The following PMS1 variants were observed in gnomAD, a reference collection of about 807,000 sequenced individuals.
The protein encoded by PMS1 is PMS1 homolog 1, mismatch repair system component.
PMS1 carries 79 observed loss-of-function variants against 93.1 expected under a neutral mutation model. The ratio of observed to expected loss-of-function variants is 0.85; its 90% CI spans 0.71 to 1.02. The LOEUF (loss-of-function observed/expected upper bound fraction) is 1.02. Among genes scored for constraint, PMS1 ranks in the 50% least tolerant of loss-of-function variants. PMS1 has a pLI of 0.00. For synonymous variants in PMS1, 335 were observed against 363.4 expected (o/e 0.92, Z 0.89); for missense variants, 1,064 against 1,085.3 (o/e 0.98, Z 0.28).
In PMS1 at chr2:189,868,990, A is replaced by G. The variant is rs1240985120; in HGVS notation, c.2473+1061A>G. On this transcript the variant is annotated intron_variant, in intron 11 of 12. Transcript: ENST00000441310. Reference sequence around the variant, plus strand: ...GAATAATTATTATGTACAGGGCACTATTCTAAGTATTAAATGTATTAATTT... The same window carrying G: ...GAATAATTATTATGTACAGGGCACTGTTCTAAGTATTAAATGTATTAATTT... Among the ~76,000 whole-genome samples, 5 of 152,324 alleles carry G rather than the reference A, an allele frequency of 3.3e-5. No homozygotes were observed. The East Asian group carries it at 9.6e-4, about 29-fold the overall frequency.
At position 189,877,289 on chromosome 2, in the gene PMS1, A is replaced by G. The variant is rs1244566636; in HGVS notation, c.2652A>G (p.Leu884=). 6.2e-7 allele frequency: 1 copy of G among 1,613,738 alleles called. No individual in the cohort carries two copies. Among genetic ancestry groups the G allele is most frequent in the Non-Finnish European group, 8.5e-7 (1 of 1,179,628 alleles). ...ISYLEGEAVR[L]SRQLPMYLSK... ...TTGGACAGGGAGAAGCAGTGCGTCT[A>G]TCCAGACAATTACCCATGTACTTAT... is the stretch of plus-strand genomic sequence containing the variant. The change falls in exon 13 of 13, where the codon CTA becomes CTG. Residue 884 remains leucine, a synonymous_variant. Coordinates refer to ENST00000441310, the MANE Select transcript of PMS1 (RefSeq NM_000534.5).
intron 3 of PMS1, among the ~76,000 whole-genome samples, chr2:189,798,757 ATT>A (rs757864750): frequency 6.4e-4 from 51 of 79,918 alleles, no homozygotes; most frequent in African/African-American, 1.7e-3. Flanking sequence ...TAAGTATTTG[ATT>A]TTTTTTTTTT....
intron 10 of PMS1, among the ~76,000 whole-genome samples, chr2:189,865,240 C>G (rs1381977260): frequency 3.9e-5 from 6 of 151,998 alleles, no homozygotes; most frequent in Non-Finnish European, 8.8e-5. Flanking sequence ...GATCCACATA[C>G]TACATTTGGT....
intron 11 of PMS1, among the ~76,000 whole-genome samples, chr2:189,868,932 CTG>C (rs2056902167): frequency 6.6e-6 from 1 of 152,178 alleles, no homozygotes; most frequent in South Asian, 2.1e-4. Flanking sequence ...CCTGGCCTCA[CTG>C]TGTCTTCATT....
intron 9 of PMS1, among the ~76,000 whole-genome samples, chr2:189,858,780 G>A: frequency 6.6e-6 from 1 of 152,098 alleles, no homozygotes; most frequent in East Asian, 1.9e-4. Context: ...CTTTAAAATT[G>A]TGAATATAGC....
At chr2:189,806,203 G>C in intron 4 of PMS1, 1 of 285,896 alleles carries the variant, frequency 3.5e-6, no homozygotes, top group Non-Finnish European at 6.6e-6. Context: ...AGAAGTTACT[G>C]TACTTATCAC....
At chr2:189,803,997 G>T (rs1223907036) in intron 3 of PMS1, among the ~76,000 whole-genome samples, 1 of 152,134 alleles carries the variant, frequency 6.6e-6, no homozygotes, top group South Asian at 2.1e-4. Flanking sequence ...TAAAGGATGA[G>T]CAAATTAATA....
chr2:189,876,903 A>G (rs971245799), intron 12 of PMS1, among the ~76,000 whole-genome samples: 2 of 150,800 alleles, frequency 1.3e-5, no homozygotes, highest in Non-Finnish European at 2.9e-5. Flanking sequence ...GAGCCACTGC[A>G]CCCAGCCTGG....
chr2:189,827,454 A>C (rs1435791270), intron 5 of PMS1, among the ~76,000 whole-genome samples: 1 of 152,222 alleles, frequency 6.6e-6, no homozygotes, highest in Non-Finnish European at 1.5e-5. Flanking sequence ...CTTTCTTAGA[A>C]AATTGGAATT....
chr2:189,828,224 C>T lies in PMS1; in HGVS notation c.582+10044C>T, dbSNP rs570495967. 3.3e-5 allele frequency among the ~76,000 whole-genome samples: 5 copies of T among 152,186 alleles called. No individual in the cohort carries two copies. The South Asian group carries it at 1.0e-3, about 32-fold the overall frequency. The stretch of plus-strand genomic sequence containing the variant: ...CAGGCGTGAGCCACTGCGCCCGGCC[C>T]AGGAAGAATAAGTTCTTATATTCTG... On this transcript the variant is annotated intron_variant, in intron 5 of 12. Coordinates refer to ENST00000441310, the MANE Select transcript of PMS1 (RefSeq NM_000534.5).
chr2:189,877,316 A>C lies in PMS1; in HGVS notation c.2679A>C (p.Ser893=), dbSNP rs1404536547. The C allele has an allele frequency of 1.2e-6, 2 of 1,613,674 alleles. No homozygotes were observed. The highest frequency in any genetic ancestry group is 4.5e-5 in the East Asian group (2 of 44,874). The change falls in exon 13 of 13, where the codon TCA becomes TCC. Residue 893 remains serine, a synonymous_variant. Transcript: ENST00000441310. ...RLSRQLPMYL[S]KEDIQDIIYR... is the part of the protein sequence containing the mutation. ...CCAGACAATTACCCATGTACTTATC[A>C]AAAGAGGACATCCAAGACATTATCT...
chr2:189,837,612 C>T (rs1447191551), intron 5 of PMS1, among the ~76,000 whole-genome samples: 8 of 152,098 alleles, frequency 5.3e-5, no homozygotes, highest in Admixed American at 5.2e-4. Flanking sequence ...TGCATGTGCA[C>T]GCAAAGATTA....
chr2:189,860,915 A>G (rs779475351), intron 9 of PMS1, among the ~76,000 whole-genome samples: 10 of 137,716 alleles, frequency 7.3e-5, no homozygotes, highest in Non-Finnish European at 4.5e-5. Flanking sequence ...TCTTATGCTT[A>G]CTATTTGCAT....
At chr2:189,803,562 G>C (rs2050077789) in intron 3 of PMS1, among the ~76,000 whole-genome samples, 1 of 152,150 alleles carries the variant, frequency 6.6e-6, no homozygotes. Context: ...TGTACTGTTA[G>C]AGATGCTCCT....
chr2:189,817,038 C>G (rs1047043970), intron 4 of PMS1, among the ~76,000 whole-genome samples: 1 of 151,886 alleles, frequency 6.6e-6, no homozygotes, highest in Non-Finnish European at 1.5e-5. Context: ...ACTTTGTTTC[C>G]CAGGGAACAT....
intron 5 of PMS1, among the ~76,000 whole-genome samples, chr2:189,822,185 G>A (rs1204535824): frequency 6.6e-6 from 1 of 152,188 alleles, no homozygotes; most frequent in African/African-American, 2.4e-5. Flanking sequence ...AGGCGGGGCT[G>A]GCGCTGAAGT....
intron 9 of PMS1, 84 bp from the exon 10 acceptor site, chr2:189,863,659 A>C (rs1398557768): frequency 2.0e-6 from 2 of 1,016,720 alleles, no homozygotes; most frequent in African/African-American, 3.3e-5. Flanking sequence ...GAACACCAGT[A>C]CTTTATTTTT....
rs201081437 is a variant in PMS1 at position 189,875,909 on chromosome 2, G to GACGTAT, written c.2635-1360_2635-1359insTATACG. Among the ~76,000 whole-genome samples the GACGTAT allele has an allele frequency of 5.2e-3, 722 of 138,706 alleles. 6 individuals carry two copies. The highest frequency in any genetic ancestry group is 0.019 in the African/African-American group (681 of 34,932). The allele number at this position is 138,706 out of a possible 152,430, so 91.0% of individuals were successfully genotyped here. A position where few individuals can be genotyped will look rare whatever the true frequency, so the allele number is the denominator to read the frequency against. ...GAGGTGGAAGTTGGAGTGAGCTGAGGACGCACACTGCACTCCAGCCTGGGC... is the reference window on the plus strand; with the variant it reads ...GAGGTGGAAGTTGGAGTGAGCTGAGGACGTATACGCACACTGCACTCCAGCCTGGGC... On this transcript the variant is annotated intron_variant, in intron 12 of 12. Coordinates refer to ENST00000441310, the MANE Select transcript of PMS1 (RefSeq NM_000534.5).
At chr2:189,801,430 G>C (rs768741213) in intron 3 of PMS1, among the ~76,000 whole-genome samples, 1 of 151,992 alleles carries the variant, frequency 6.6e-6, no homozygotes, top group Non-Finnish European at 1.5e-5. Flanking sequence ...TGTCTTGACC[G>C]TCTCATAAAA....
Sources: gnomAD v4.1 joint callset for allele counts (sites outside exome capture counted in the v4.1 genomes callset) on GRCh38, gnomAD v4.1.1 for gene constraint, MANE v1.5 for transcripts, NCBI Gene and HGNC (gene_info 2026-07-23, HGNC 2026-07-21) for gene names.